The following CHST15 variants were observed in gnomAD, a reference collection of about 807,000 sequenced individuals.
CHST15 encodes carbohydrate sulfotransferase 15, also known as B cell RAG associated protein (GALNAC4S-6ST).
A neutral mutation model predicts 53.6 loss-of-function variants in CHST15; 30 were observed. That is an observed-to-expected ratio of 0.56 (90% CI 0.42 to 0.76). CHST15 has a LOEUF of 0.76. Among genes scored for constraint, CHST15 ranks in the 30% least tolerant of loss-of-function variants. The pLI, the probability that CHST15 is intolerant of heterozygous loss-of-function variation, is 0.00. For synonymous variants in CHST15, 296 were observed against 289.8 expected, an observed-to-expected ratio of 1.02 and a Z score of -0.22; for missense variants, 627 against 740.5, an observed-to-expected ratio of 0.85 and a Z score of 1.78.
chr10:124,014,659 C>T (rs1384331436), intron 6 of CHST15, among the ~76,000 whole-genome samples: 2 of 152,178 alleles, frequency 1.3e-5, no homozygotes, highest in African/African-American at 4.8e-5. Context: ...GCTTGTAGGC[C>T]GTCCCTCGTA....
At chr10:124,040,873 C>A (rs1202555654) in intron 4 of CHST15, among the ~76,000 whole-genome samples, 1 of 152,242 alleles carries the variant, frequency 6.6e-6, no homozygotes, top group Non-Finnish European at 1.5e-5. Flanking sequence ...TTGGAGCAAG[C>A]AAAATTAGGA....
intron 1 of CHST15, among the ~76,000 whole-genome samples, chr10:124,085,523 G>A (rs1483292603): frequency 1.3e-5 from 2 of 152,224 alleles, no homozygotes; most frequent in African/African-American, 4.8e-5. Context: ...AAACCTCCAG[G>A]AGAACCTAGC....
rs533635902 is a variant in CHST15, at chr10:124,056,893, G to A, written c.-512-10169C>T. Among the ~76,000 whole-genome samples, 5 of 150,670 alleles carry A rather than the reference G, an allele frequency of 3.3e-5. No homozygotes were observed. In the South Asian group the frequency reaches 8.4e-4, roughly 25 times the overall value. Reference sequence around the variant, plus strand: ...ACCGGACACTCTGCGGCCCAGGCCTGTACGACCGGACACATTGCAGCCTGG... The same window carrying A: ...ACCGGACACTCTGCGGCCCAGGCCTATACGACCGGACACATTGCAGCCTGG... On this transcript the variant is annotated intron_variant, in intron 1 of 7. Transcript: ENST00000435907.
intron 5 of CHST15, among the ~76,000 whole-genome samples, chr10:124,023,912 C>T (rs1264294019): frequency 4.0e-5 from 6 of 151,482 alleles, no homozygotes; most frequent in Non-Finnish European, 8.8e-5. Flanking sequence ...GGCGCAATCT[C>T]GGCTCACTGC....
chr10:124,041,230 A>G lies in CHST15; in HGVS notation c.1033+1071T>C, dbSNP rs982185332. Among the ~76,000 whole-genome samples, 8 of 152,236 alleles carry G rather than the reference A, an allele frequency of 5.3e-5. 1 individual carries two copies. Among genetic ancestry groups the G allele is most frequent in the African/African-American group, 1.9e-4 (8 of 41,464 alleles). ...GTCATCTTTCGAAGGGCTGATTATAATTCCTCTTAGTTGCTAATAGATTTA... is the reference window on the plus strand; with the variant it reads ...GTCATCTTTCGAAGGGCTGATTATAGTTCCTCTTAGTTGCTAATAGATTTA... On this transcript the variant is annotated intron_variant, in intron 4 of 7. Transcript: ENST00000435907.
intron 4 of CHST15, among the ~76,000 whole-genome samples, chr10:124,041,636 C>G (rs1011186667): frequency 1.3e-5 from 2 of 151,872 alleles, no homozygotes; most frequent in Non-Finnish European, 2.9e-5. Context: ...CTATTTCCAT[C>G]GAAACATCAC....
rs1386111501 is a variant in CHST15 at position 124,019,443 on chromosome 10, T to C, written c.1347+1813A>G. Among the ~76,000 whole-genome samples, 1 of 152,048 alleles carries C rather than the reference T, an allele frequency of 6.6e-6. No homozygotes were observed. Among genetic ancestry groups the C allele is most frequent in the Admixed American group, 6.5e-5 (1 of 15,284 alleles). On this transcript the variant is annotated intron_variant, in intron 6 of 7. Transcript: ENST00000435907. The surrounding 1 kb of genome is among the most constrained non-coding windows in gnomAD (Gnocchi z 4.6). ...CTGTGCTGGTCAAGCCACACACAAA[T>C]AGAGTTTCTCCGAGACCCTGTGTCC... is the stretch of plus-strand genomic sequence containing the variant.
chr10:124,041,480 C>G (rs1312887498), intron 4 of CHST15, among the ~76,000 whole-genome samples: 2 of 152,068 alleles, frequency 1.3e-5, no homozygotes, highest in Non-Finnish European at 2.9e-5. Flanking sequence ...TCCTATTAAT[C>G]CTGTATTGCA....
rs1174854422 is a variant in CHST15, at chr10:124,036,288, C to T, written c.1190+2227G>A. Among the ~76,000 whole-genome samples, 3 of 152,316 alleles carry T rather than the reference C, an allele frequency of 2.0e-5. No homozygotes were observed. In the East Asian group the frequency reaches 5.8e-4, roughly 29 times the overall value. The stretch of plus-strand genomic sequence containing the variant: ...GACCACTCAGCAGGGCCGATTTCTG[C>T]CTCCAAAACACGGGAACCAGCAGGT... On this transcript the variant is annotated intron_variant, in intron 5 of 7. Transcript: ENST00000435907. The surrounding 1 kb of genome is among the most constrained non-coding windows in gnomAD (Gnocchi z 5.1).
rs558308747 is a variant in CHST15, at chr10:124,051,026, C to T, written c.-512-4302G>A. 4.6e-5 allele frequency among the ~76,000 whole-genome samples: 7 copies of T among 152,280 alleles called. No homozygotes were observed. The East Asian group carries it at 7.7e-4, about 17-fold the overall frequency. On this transcript the variant is annotated intron_variant, in intron 1 of 7. Coordinates refer to ENST00000435907, the MANE Select transcript of CHST15 (RefSeq NM_001270764.2). ...CAGCACGATCTTGGCTCACTGCAAC[C>T]TCCGCCTCCTGGGTTCAAGCGATTC...
chr10:124,035,190 C>CG (rs536072433), intron 5 of CHST15, among the ~76,000 whole-genome samples: 80 of 121,786 alleles, frequency 6.6e-4, no homozygotes, highest in South Asian at 1.9e-3. Context: ...ACCCTGGTTC[C>CG]ACCCCTAACG....
rs548106212 is a variant in CHST15, at chr10:124,056,550, G to A, written c.-512-9826C>T. Among the ~76,000 whole-genome samples, 483 of 152,354 alleles carry A rather than the reference G, an allele frequency of 3.2e-3. 2 individuals carry two copies. The highest frequency in any genetic ancestry group is 0.011 in the African/African-American group (459 of 41,586). The stretch of plus-strand genomic sequence containing the variant: ...CCTGGTGCCAAGTGTGGGGACAGGG[G>A]AAGGAAGGACAGAAAGAAAGGCGGG... On this transcript the variant is annotated intron_variant, in intron 1 of 7. Transcript: ENST00000435907.
At position 124,021,237 on chromosome 10, in the gene CHST15, G is replaced by GGGGA. The variant is rs1491387001; in HGVS notation, c.1347+18_1347+19insTCCC. ...TGCCAGGGGCCAGCTCGGGGGGTAC[G>GGGGA]GGGGGGGGGGGTACACACAGGCATG... On this transcript the variant is annotated intron_variant, in intron 6 of 7. Coordinates refer to ENST00000435907, the MANE Select transcript of CHST15 (RefSeq NM_001270764.2). 4 of 77,780 alleles carry GGGGA rather than the reference G, an allele frequency of 5.1e-5. No homozygotes were observed. The highest frequency in any genetic ancestry group is 6.7e-5 in the Non-Finnish European group (4 of 59,984). The allele number at this position is 77,780 out of a possible 1,614,324, so 4.8% of individuals were successfully genotyped here.
At chr10:124,014,157 C>G (rs1946510453) in intron 6 of CHST15, among the ~76,000 whole-genome samples, 1 of 152,216 alleles carries the variant, frequency 6.6e-6, no homozygotes, top group Non-Finnish European at 1.5e-5. Context: ...CAGACACTCT[C>G]ATGTCACATT....
chr10:124,026,231 TCAGA>T (rs1425719754), intron 5 of CHST15, among the ~76,000 whole-genome samples: 2 of 152,104 alleles, frequency 1.3e-5, no homozygotes, highest in Non-Finnish European at 2.9e-5. Context: ...AGGGGAGCAC[TCAGA>T]CAGGGGAGCA....
In CHST15 at chr10:124,037,493, C is replaced by T. The variant is rs78212213; in HGVS notation, c.1190+1022G>A. Among the ~76,000 whole-genome samples, 976 of 152,296 alleles carry T rather than the reference C, an allele frequency of 6.4e-3. 25 individuals carry two copies. The East Asian group carries it at 0.084, about 13-fold the overall frequency. On this transcript the variant is annotated intron_variant, in intron 5 of 7. Transcript: ENST00000435907. ...GTCCTAAGCTACACTGGCCATCTTG[C>T]GCGGAGAATTCCCTGACTCAGAGGG...
At chr10:124,075,647 C>T (rs1474950945) in intron 1 of CHST15, among the ~76,000 whole-genome samples, 1 of 152,196 alleles carries the variant, frequency 6.6e-6, no homozygotes, top group Non-Finnish European at 1.5e-5. Context: ...AAAAAAGTAA[C>T]TTTAATGCTC....
intron 7 of CHST15, chr10:124,011,857 C>T: frequency 1.0e-6 from 1 of 985,414 alleles, no homozygotes; most frequent in South Asian, 4.7e-5. Context: ...TCTGTTCCCT[C>T]CTCTAAGCCC....
rs111718258 is a variant in CHST15 at position 124,014,865 on chromosome 10, G to A, written c.1348-2385C>T. Among the ~76,000 whole-genome samples the A allele has an allele frequency of 7.9e-3, 1,203 of 152,288 alleles. 12 individuals are homozygous for A. Among genetic ancestry groups the A allele is most frequent in the African/African-American group, 0.025 (1,054 of 41,560 alleles). On this transcript the variant is annotated intron_variant, in intron 6 of 7. Transcript: ENST00000435907. ...AAACCTTGTTTGTGTCCATCCTCAT[G>A]AGAGCCCCCTGTGCTGTCTCAGGTG...
Sources: gnomAD v4.1 joint callset for allele counts (sites outside exome capture counted in the v4.1 genomes callset) on GRCh38, gnomAD v4.1.1 for gene constraint, Gnocchi (gnomAD v3.1) non-coding constraint, MANE v1.5 for transcripts, NCBI Gene and HGNC (gene_info 2026-07-23, HGNC 2026-07-21) for gene names.